The following TEP1 variants were observed in gnomAD, a reference collection of about 807,000 sequenced individuals.
TEP1 encodes telomerase protein component 1.
TEP1 carries 241 observed loss-of-function variants against 306.3 expected under a neutral mutation model. The observed-to-expected ratio is 0.79, with a 90% CI of 0.71 to 0.88. The LOEUF is 0.88. TEP1 is among the 40% of genes least tolerant of loss of function. The pLI, the probability that TEP1 is intolerant of heterozygous loss-of-function variation, is 0.00. For missense variants in TEP1, 3,051 were observed against 3,276.1 expected (o/e 0.93, Z 1.68); for synonymous variants, 1,289 against 1,305.5 (o/e 0.99, Z 0.27).
chr14:20,412,847 G>A (rs994497931), intron 1 of TEP1, among the ~76,000 whole-genome samples: 13 of 151,774 alleles, frequency 8.6e-5, no homozygotes, highest in African/African-American at 3.1e-4. Context: ...TTTCAGTAGA[G>A]AGGGTTTTCA....
In TEP1 at chr14:20,380,971, C is replaced by T; in HGVS notation, c.4722G>A (p.Leu1574=). 1 of 1,614,172 alleles carries T rather than the reference C, an allele frequency of 6.2e-7. No individual in the cohort carries two copies. Among genetic ancestry groups the T allele is most frequent in the Non-Finnish European group, 8.5e-7 (1 of 1,180,040 alleles). Residue 1574 remains leucine (L), a synonymous_variant, in exon 33 of 55, where the codon TTG becomes TTA. Transcript: ENST00000262715. ...NLHVVAAHLE[L]GLVSRLLEAH... is the part of the protein sequence containing the mutation. The stretch of plus-strand genomic sequence containing the variant: ...CCTCCAAGAGCCGAGAGACCAGACC[C>T]AATTCCAAGTGTGCAGCCACCACAT...
chr14:20,381,523 A>G lies in TEP1; in HGVS notation c.4558+30T>C, dbSNP rs1460506127. ...GCCTCCAGGCCCAAGCCCCACACTC[A>G]GTGCCCAGGCTGACTTGGGCTGCAA... On this transcript the variant is annotated intron_variant, in intron 31 of 54. Coordinates refer to ENST00000262715, the MANE Select transcript of TEP1 (RefSeq NM_007110.5). This position sits in a 1 kb window ranked among gnomAD's most constrained non-coding sequence, Gnocchi z 4.0. The G allele has an allele frequency of 6.2e-7, 1 of 1,613,162 alleles. No individual in the cohort carries two copies. The highest frequency in any genetic ancestry group is 8.5e-7 in the Non-Finnish European group (1 of 1,180,008).
intron 12 of TEP1, among the ~76,000 whole-genome samples, chr14:20,392,720 A>C (rs1877823325): frequency 1.3e-5 from 2 of 152,234 alleles, no homozygotes; most frequent in African/African-American, 4.8e-5. Context: ...GGAAAATTTG[A>C]ATATGGACTA....
chr14:20,404,887 T>C, intron 4 of TEP1, 115 bp from the exon 5 acceptor site: 1 of 1,261,942 alleles, frequency 7.9e-7, no homozygotes, highest in Non-Finnish European at 1.1e-6. Flanking sequence ...GCCCTCCACG[T>C]TGTCCACAAA....
At position 20,375,827 on chromosome 14, in the gene TEP1, A is replaced by C. The variant is rs1885142128; in HGVS notation, c.6291T>G (p.Val2097=). 1 of 1,613,572 alleles carries C rather than the reference A, an allele frequency of 6.2e-7. No homozygotes were observed. Among genetic ancestry groups the C allele is most frequent in the Non-Finnish European group, 8.5e-7 (1 of 1,179,966 alleles). The change falls in exon 43 of 55, where the codon GTT becomes GTG. Residue 2097 remains valine (V), a synonymous_variant. Transcript: ENST00000262715. Reference sequence around the variant, plus strand: ...GACAGGCAGGGAAGGAGTGGATCAAAACAGGGGTTTTGGGTGTCCTCACGT... The same window carrying C: ...GACAGGCAGGGAAGGAGTGGATCAACACAGGGGTTTTGGGTGTCCTCACGT... ...CWDVRTPKTP[V]LIHSFPACHR...
rs1884536560 is a variant in TEP1, at chr14:20,367,413, A to G, written c.*1024T>C. 1 of 151,858 alleles carries G rather than the reference A, an allele frequency of 6.6e-6. No homozygotes were observed. Among genetic ancestry groups the G allele is most frequent in the Non-Finnish European group, 1.5e-5 (1 of 67,990 alleles). The allele number at this position is 151,858 out of a possible 1,614,324, so 9.4% of individuals were successfully genotyped here. ...TTTTTACTTAAGAAAATCAGAGTTCATGGCTATGATTGTGCCACCTCTCAA... is the reference window on the plus strand; with the variant it reads ...TTTTTACTTAAGAAAATCAGAGTTCGTGGCTATGATTGTGCCACCTCTCAA... On this transcript the variant is annotated 3_prime_UTR_variant, in exon 55 of 55. Transcript: ENST00000262715.
At position 20,383,503 on chromosome 14, in the gene TEP1, T is replaced by C; in HGVS notation, c.3852A>G (p.Pro1284=). 6.2e-7 allele frequency: 1 copy of C among 1,614,158 alleles called. No homozygotes were observed. The highest frequency in any genetic ancestry group is 1.1e-5 in the South Asian group (1 of 91,076). Residue 1284 remains proline, a synonymous_variant, in exon 26 of 55, where the codon CCA becomes CCG. Coordinates refer to ENST00000262715, the MANE Select transcript of TEP1 (RefSeq NM_007110.5). ...TCACACTCACCCGGGGAAGCTTCTT[T>C]GGGATCCAGTCTGAAATCAGCTGCC... ...QNGQLISDWI[P]KKLPRCVHLV...
chr14:20,408,528 A>G, intron 1 of TEP1, 65 bp from the exon 2 acceptor site: 3 of 1,285,472 alleles, frequency 2.3e-6, no homozygotes, highest in Non-Finnish European at 3.2e-6. Context: ...GCATGAGAGC[A>G]TATCTTCCCC....
In TEP1 at chr14:20,408,136, G is replaced by C; in HGVS notation, c.304C>G (p.Pro102Ala). ...EKPHGHVSAHPDILSLENRCL... is the reference protein window; with the variant it reads ...EKPHGHVSAHADILSLENRCL... ...CGGTTCTCCAAGGAGAGGATGTCTGGGTGGGCAGAAACATGTCCATGTGGT... is the reference window on the plus strand; with the variant it reads ...CGGTTCTCCAAGGAGAGGATGTCTGCGTGGGCAGAAACATGTCCATGTGGT... The change falls in exon 2 of 55, where the codon CCA becomes GCA. Residue 102 changes from proline to alanine, a missense_variant. Coordinates refer to ENST00000262715, the MANE Select transcript of TEP1 (RefSeq NM_007110.5). 2 of 1,610,302 alleles carry C rather than the reference G, an allele frequency of 1.2e-6. No individual in the cohort carries two copies. The highest frequency in any genetic ancestry group is 1.7e-6 in the Non-Finnish European group (2 of 1,177,714).
rs755771378 is a variant in TEP1 at position 20,384,283 on chromosome 14, TC to T, written c.3340-52del. ...TCCATGGTGCCATGCTCCTCAGCAC[TC>T]CCAGGCTAAAACTCACAGAGCCCCC... On this transcript the variant is annotated intron_variant, in intron 23 of 54. Coordinates refer to ENST00000262715, the MANE Select transcript of TEP1 (RefSeq NM_007110.5). 4 of 1,608,752 alleles carry T rather than the reference TC, an allele frequency of 2.5e-6. No homozygotes were observed. In the South Asian group the frequency reaches 4.4e-5, roughly 18 times the overall value.
Position 20,384,091 on chromosome 14 carries a change from C to T in TEP1, c.3481G>A (p.Gly1161Arg), listed in dbSNP as rs1304450572. 4.3e-6 allele frequency: 7 copies of T among 1,613,814 alleles called. No homozygotes were observed. Among genetic ancestry groups the T allele is most frequent in the East Asian group, 2.2e-5 (1 of 44,874 alleles). The change falls in exon 24 of 55, where the codon GGA becomes AGA. Residue 1161 changes from glycine to arginine, a missense_variant. By Grantham distance (125) the Gly-to-Arg change is moderately radical (BLOSUM62 -2). Coordinates refer to ENST00000262715, the MANE Select transcript of TEP1 (RefSeq NM_007110.5). ...TGCCCCGTCACCAGGCTCAGCCTTC[C>T]GTGGGGCAGCATCAGCCGTTGCACT... The part of the protein sequence containing the change: ...DTVQRLMLPH[G>R]RLSLVTGQSG...
Position 20,369,541 on chromosome 14 carries a change from G to A in TEP1, c.7459C>T (p.Leu2487=), listed in dbSNP as rs1469214528. ...SFLCASSDGI[L]WNLAKCSPEG... is the part of the protein sequence containing the mutation. Reference sequence around the variant, plus strand: ...GGGCTGCATTTGGCCAGGTTCCATAGGATCCCATCAGAGCTGGCACACAAA... The same window carrying A: ...GGGCTGCATTTGGCCAGGTTCCATAAGATCCCATCAGAGCTGGCACACAAA... Residue 2487 remains leucine, a synonymous_variant, in exon 53 of 55, where the codon CTA becomes TTA. Coordinates refer to ENST00000262715, the MANE Select transcript of TEP1 (RefSeq NM_007110.5). The A allele has an allele frequency of 1.2e-6, 2 of 1,614,082 alleles. No individual in the cohort carries two copies. The highest frequency in any genetic ancestry group is 1.1e-5 in the South Asian group (1 of 91,072).
Position 20,377,476 on chromosome 14 carries a change from C to A in TEP1, c.5892G>T (p.Gln1964His). ...ACACTGCCACATCCAGTGCCTGACC[C>A]TGAGCCCCCTGGGAACCTAGAGAAT... ...YKISSGSQGA[Q>H]GQALDVAVSA... The change falls in exon 41 of 55, where the codon CAG (glutamine) becomes CAT (histidine). Residue 1964 changes from glutamine (Q) to histidine (H), a missense_variant. This residue lies in a region of TEP1 where 1,540 missense variants were observed against 1,705.9 expected (regional missense o/e 0.90). Coordinates refer to ENST00000262715, the MANE Select transcript of TEP1 (RefSeq NM_007110.5). The A allele has an allele frequency of 6.2e-7, 1 of 1,613,918 alleles. No individual in the cohort carries two copies. Among genetic ancestry groups the A allele is most frequent in the Non-Finnish European group, 8.5e-7 (1 of 1,179,882 alleles).
intron 44 of TEP1, 84 bp downstream of exon 44, chr14:20,374,345 G>GGT (rs894548984): frequency 1.2e-6 from 1 of 864,596 alleles, no homozygotes; most frequent in African/African-American, 1.7e-5. Flanking sequence ...TTTGCCTCTG[G>GGT]GATTAGATAC....
chr14:20,386,371 C>T, intron 19 of TEP1, 76 bp downstream of exon 19: 1 of 1,572,232 alleles, frequency 6.4e-7, no homozygotes, highest in Non-Finnish European at 8.6e-7. Context: ...CTTGCAGCCC[C>T]AACCATGCCC....
intron 11 of TEP1, 25 bp from the exon 12 acceptor site, chr14:20,395,652 G>GA: frequency 6.3e-7 from 1 of 1,581,454 alleles, no homozygotes; most frequent in Non-Finnish European, 8.7e-7. Flanking sequence ...GTAAATTTCC[G>GA]AGTTAGGCAG....
chr14:20,372,412 G>T (rs1393377424), intron 49 of TEP1, among the ~76,000 whole-genome samples: 1 of 149,916 alleles, frequency 6.7e-6, no homozygotes, highest in Non-Finnish European at 1.5e-5. Flanking sequence ...GTGTGTGTGT[G>T]TATCTTCATT....
At chr14:20,376,500 C>T (rs1040674432) in intron 41 of TEP1, among the ~76,000 whole-genome samples, 5 of 152,198 alleles carry the variant, frequency 3.3e-5, no homozygotes, top group East Asian at 1.9e-4. Flanking sequence ...CAGCTCAGGC[C>T]GGGAACACAG....
chr14:20,374,609 G>A, intron 43 of TEP1, 73 bp from the exon 44 acceptor site: 1 of 1,085,140 alleles, frequency 9.2e-7, no homozygotes. Flanking sequence ...GTAGTGTAGG[G>A]TGGAAGGCGG....
Sources: allele counts gnomAD v4.1 joint callset (sites outside exome capture counted in the v4.1 genomes callset), GRCh38; gene constraint gnomAD v4.1.1; regional missense constraint gnomAD v4.1.1; non-coding constraint Gnocchi (gnomAD v3.1); transcripts MANE v1.5; gene names NCBI Gene and HGNC (gene_info 2026-07-23, HGNC 2026-07-21).